Variants in PAPSS2 observed in about 807,000 individuals in gnomAD.
PAPSS2 encodes the protein bifunctional 3'-phosphoadenosine 5'-phosphosulfate synthase 2.
PAPSS2 carries 61 observed loss-of-function variants against 66.5 expected under a neutral mutation model. The observed-to-expected ratio is 0.92, with a 90% CI of 0.75 to 1.14. The LOEUF is 1.14. Among genes scored for constraint, PAPSS2 ranks in the 50% most tolerant of loss-of-function variants. The pLI is 0.00. For synonymous variants in PAPSS2, 289 were observed against 287.5 expected, an observed-to-expected ratio of 1.01 and a Z score of -0.05; for missense variants, 708 against 789.6, an observed-to-expected ratio of 0.90 and a Z score of 1.24.
Position 87,709,215 on chromosome 10 carries a change from C to T in PAPSS2, c.47C>T (p.Thr16Ile), listed in dbSNP as rs902579655. 6.2e-7 allele frequency: 1 copy of T among 1,612,380 alleles called. No individual in the cohort carries two copies. The highest frequency in any genetic ancestry group is 1.3e-5 in the African/African-American group (1 of 74,982). The change falls in exon 2 of 13, where the codon ACC (threonine) becomes ATC (isoleucine). Residue 16 changes from threonine to isoleucine, a missense_variant. By Grantham distance (89) the Thr-to-Ile change is moderately conservative. Transcript: ENST00000456849. ...KQKTENQQKS[T>I]NVVYQAHHVS... is the part of the protein sequence containing the mutation. The stretch of plus-strand genomic sequence containing the variant: ...TTATAGGAGAACCAGCAGAAATCCA[C>T]CAATGTAGTCTATCAGGCCCACCAT...
chr10:87,725,865 TA>T (rs201282640), intron 8 of PAPSS2, among the ~76,000 whole-genome samples: 2 of 118,886 alleles, frequency 1.7e-5, no homozygotes, highest in African/African-American at 3.5e-5. Context: ...CCAGCTAATT[TA>T]AAAAAAATAT....
chr10:87,703,696 C>CA, intron 1 of PAPSS2: 1 of 517,348 alleles, frequency 1.9e-6, no homozygotes, highest in Admixed American at 1.9e-5. Context: ...TGCTTGACTC[C>CA]AAAATCGATA....
At chr10:87,724,512 G>T (rs1469213583) in intron 8 of PAPSS2, among the ~76,000 whole-genome samples, 1 of 151,348 alleles carries the variant, frequency 6.6e-6, no homozygotes, top group African/African-American at 2.4e-5. Context: ...CAAACAGGAT[G>T]CATATCTGTG....
intron 1 of PAPSS2, among the ~76,000 whole-genome samples, chr10:87,706,098 A>ATGTGTGTGTG (rs1408888630): frequency 6.0e-5 from 5 of 83,398 alleles, no homozygotes; most frequent in African/African-American, 3.5e-4. Flanking sequence ...ATATATATAT[A>ATGTGTGTGTG]TATATATATA....
chr10:87,672,329 C>A (rs909512962), intron 1 of PAPSS2, among the ~76,000 whole-genome samples: 5 of 152,158 alleles, frequency 3.3e-5, no homozygotes, highest in African/African-American at 1.2e-4. Context: ...TATATGGCTT[C>A]ATTTTCATTG....
intron 1 of PAPSS2, among the ~76,000 whole-genome samples, chr10:87,669,660 T>C (rs1163992251): frequency 6.6e-6 from 1 of 152,258 alleles, no homozygotes; most frequent in South Asian, 2.1e-4. Context: ...AGAAAATTCC[T>C]ACTCTGTTGT....
chr10:87,663,676 T>A (rs1284110087), intron 1 of PAPSS2, among the ~76,000 whole-genome samples: 1 of 152,142 alleles, frequency 6.6e-6, no homozygotes, highest in Middle Eastern at 3.2e-3. Context: ...TGTTTCAGGA[T>A]GTAACTGCTC....
At chr10:87,671,597 G>T (rs1489163914) in intron 1 of PAPSS2, among the ~76,000 whole-genome samples, 3 of 152,210 alleles carry the variant, frequency 2.0e-5, no homozygotes, top group Admixed American at 6.5e-5. Flanking sequence ...GTGCTGCACA[G>T]TCGAGCATTC....
At chr10:87,694,383 C>A (rs765299568) in intron 1 of PAPSS2, among the ~76,000 whole-genome samples, 1 of 152,114 alleles carries the variant, frequency 6.6e-6, no homozygotes, top group Admixed American at 6.5e-5. Flanking sequence ...TCTACACCAC[C>A]CAGGCAAAGT....
Position 87,698,772 on chromosome 10 carries a change from G to C in PAPSS2, c.28-10424G>C, listed in dbSNP as rs151132402. ...ATGGAGGTGCACATCTGTAGTCATA[G>C]CTACTGGGGAAGCTGAGGCAGGACG... On this transcript the variant is annotated intron_variant, in intron 1 of 12. Transcript: ENST00000456849. 2.8e-3 allele frequency among the ~76,000 whole-genome samples: 433 copies of C among 152,292 alleles called. 1 individual carries two copies. Among genetic ancestry groups the C allele is most frequent in the South Asian group, 4.4e-3 (21 of 4,824 alleles).
rs1853944848 is a variant in PAPSS2, at chr10:87,746,661, T to A, written c.*691T>A. 1 of 152,246 alleles carries A rather than the reference T, an allele frequency of 6.6e-6. No homozygotes were observed. Among genetic ancestry groups the A allele is most frequent in the Admixed American group, 6.5e-5 (1 of 15,284 alleles). 9.4% of individuals were successfully genotyped at this position (152,246 alleles called of 1,614,324 possible). ...CCTCTGTGAATAATGTAACTCCAGT[T>A]ACACGGTGACTTTTAATAGCATACA... is the stretch of plus-strand genomic sequence containing the variant. On this transcript the variant is annotated 3_prime_UTR_variant, in exon 13 of 13. Transcript: ENST00000456849.
intron 1 of PAPSS2, among the ~76,000 whole-genome samples, chr10:87,687,499 T>C (rs1853102507): frequency 6.6e-6 from 1 of 152,216 alleles, no homozygotes; most frequent in South Asian, 2.1e-4. Flanking sequence ...TAGCATGTTC[T>C]CTCACTCATA....
At chr10:87,701,339 T>C (rs574368042) in intron 1 of PAPSS2, among the ~76,000 whole-genome samples, 474 of 75,802 alleles carry the variant, frequency 6.3e-3, no homozygotes, top group South Asian at 0.022. Flanking sequence ...TTTCTTTCTT[T>C]CTTTCTTTCT....
intron 1 of PAPSS2, among the ~76,000 whole-genome samples, 155 bp downstream of exon 1, chr10:87,660,163 GCT>G (rs1852731419): frequency 6.6e-6 from 1 of 152,154 alleles, no homozygotes; most frequent in Admixed American, 6.5e-5. Context: ...AGAGAAAGAG[GCT>G]CTGTGTGGAA....
chr10:87,743,799 C>T (rs990648345), intron 11 of PAPSS2, among the ~76,000 whole-genome samples, 158 bp downstream of exon 11: 16 of 152,050 alleles, frequency 1.1e-4, no homozygotes, highest in African/African-American at 2.9e-4. Context: ...TATGTTTCCA[C>T]TTAGTATTTG....
At chr10:87,675,569 C>T (rs1398696138) in intron 1 of PAPSS2, among the ~76,000 whole-genome samples, 2 of 152,242 alleles carry the variant, frequency 1.3e-5, no homozygotes, top group South Asian at 2.1e-4. Context: ...TAATAGGTTG[C>T]GTTGTAAGTC....
At chr10:87,743,685 A>C (rs376045397) in intron 11 of PAPSS2, 44 bp downstream of exon 11, 43 of 1,609,616 alleles carry the variant, frequency 2.7e-5, no homozygotes, top group Non-Finnish European at 3.4e-5. Context: ...AGGAATTCAG[A>C]CTCAGACTTT....
At chr10:87,714,669 A>G (rs1853509331) in intron 4 of PAPSS2, 76 bp from the exon 5 acceptor site, 4 of 893,504 alleles carry the variant, frequency 4.5e-6, no homozygotes, top group Non-Finnish European at 7.6e-6. Flanking sequence ...TTATTCCAAC[A>G]TGTGTTTTGC....
chr10:87,723,360 A>G (rs1853618963), intron 8 of PAPSS2, among the ~76,000 whole-genome samples: 1 of 152,174 alleles, frequency 6.6e-6, no homozygotes, highest in Admixed American at 6.5e-5. Context: ...CCATTAACAT[A>G]GTGCTTTACA....
Sources: gnomAD v4.1 joint callset for allele counts (sites outside exome capture counted in the v4.1 genomes callset) on GRCh38, gnomAD v4.1.1 for gene constraint, MANE v1.5 for transcripts, NCBI Gene and HGNC (gene_info 2026-07-23, HGNC 2026-07-21) for gene names.